The following PPFIBP1 variants were observed in gnomAD, a reference collection of about 807,000 sequenced individuals.
The protein encoded by PPFIBP1 is liprin-beta-1.
In PPFIBP1, 112 loss-of-function variants were observed where a neutral mutation model predicts 137.8. The observed-to-expected ratio is 0.81, with a 90% confidence interval of 0.70 to 0.95. PPFIBP1 has a LOEUF of 0.95. Among genes scored for constraint, PPFIBP1 ranks in the 40% least tolerant of loss-of-function variants. The pLI, the probability that PPFIBP1 is intolerant of heterozygous loss-of-function variation, is 0.00. For synonymous variants in PPFIBP1, 378 were observed against 417.3 expected (o/e 0.91, Z 1.15); for missense variants, 1,083 against 1,196.6 (o/e 0.91, Z 1.40).
Position 27,634,936 on chromosome 12 carries a change from G to A in PPFIBP1, c.91G>A (p.Gly31Arg), listed in dbSNP as rs2057544612. 1 of 1,613,910 alleles carries A rather than the reference G, an allele frequency of 6.2e-7. No homozygotes were observed. The highest frequency in any genetic ancestry group is 1.3e-5 in the African/African-American group (1 of 74,922). ...AGSKALEYSN[G>R]IFDCQSPTSP... ...TTCTAAGGCTCTGGAATATTCCAAT[G>A]GGATTTTTGATTGCCAATCTCCCAC... is the stretch of plus-strand genomic sequence containing the variant. The change falls in exon 4 of 30, where the codon GGG becomes AGG. Residue 31 changes from glycine (G) to arginine (R), a missense_variant. Gly to Arg is a moderately radical substitution (Grantham distance 125). Transcript: ENST00000228425.
intron 2 of PPFIBP1, among the ~76,000 whole-genome samples, chr12:27,598,728 G>A (rs1295360362): frequency 6.6e-6 from 1 of 152,162 alleles, no homozygotes. Context: ...CCATGCTGAG[G>A]AATGTAGTCA....
chr12:27,660,821 A>G (rs7132997), intron 10 of PPFIBP1, 63 bp from the exon 11 acceptor site: 1,564,865 of 1,566,194 alleles, frequency 1, 781,780 homozygotes, highest in East Asian at 1. Flanking sequence ...TGGAGAGTAA[A>G]TAACTTCTTA....
chr12:27,629,876 C>T (rs1023198492), intron 2 of PPFIBP1, among the ~76,000 whole-genome samples: 2 of 152,142 alleles, frequency 1.3e-5, no homozygotes, highest in African/African-American at 4.8e-5. Context: ...TACTTCACCA[C>T]TTCAGGTTGT....
At chr12:27,539,428 T>C (rs530734990) in intron 1 of PPFIBP1, among the ~76,000 whole-genome samples, 12 of 152,246 alleles carry the variant, frequency 7.9e-5, no homozygotes, top group African/African-American at 2.2e-4. Flanking sequence ...TACTAGTTTG[T>C]TCTGTGGAGA....
At chr12:27,525,506 C>T (rs984424345) in intron 1 of PPFIBP1, among the ~76,000 whole-genome samples, 51 of 95,128 alleles carry the variant, frequency 5.4e-4, no homozygotes, top group Non-Finnish European at 2.2e-4. Flanking sequence ...TCTTTTGGAG[C>T]AGGAAGGAAA....
At chr12:27,547,275 C>A (rs1295398820) in intron 1 of PPFIBP1, 1 of 152,182 alleles carries the variant, frequency 6.6e-6, no homozygotes, top group East Asian at 1.9e-4. Context: ...GTCTCGCCGC[C>A]TTTACTTGTG....
intron 12 of PPFIBP1, among the ~76,000 whole-genome samples, chr12:27,665,914 T>C (rs926002393): frequency 2.6e-5 from 4 of 152,220 alleles, no homozygotes; most frequent in African/African-American, 4.8e-5. Flanking sequence ...CTCAGCATTT[T>C]CCATGCCTTC....
Position 27,652,915 on chromosome 12 carries a change from C to G in PPFIBP1, c.604-1807C>G, listed in dbSNP as rs368109747. Among the ~76,000 whole-genome samples, 9 of 152,154 alleles carry G rather than the reference C, an allele frequency of 5.9e-5. No individual in the cohort carries two copies. In the East Asian group the frequency reaches 9.7e-4, roughly 16 times the overall value. On this transcript the variant is annotated intron_variant, in intron 7 of 29. Transcript: ENST00000228425. ...AATTCTGACCTGTTAGTTGAGGAATCACAAATATGTTGCTGAATAATGTCA... is the reference window on the plus strand; with the variant it reads ...AATTCTGACCTGTTAGTTGAGGAATGACAAATATGTTGCTGAATAATGTCA...
intron 1 of PPFIBP1, among the ~76,000 whole-genome samples, chr12:27,563,498 G>A (rs11049046): frequency 0.36 from 53,158 of 148,744 alleles, 10,190 homozygotes; most frequent in African/African-American, 0.48. Context: ...CAGAGATGAG[G>A]CAGAAGAGGG....
chr12:27,664,607 T>C (rs1428591577), intron 12 of PPFIBP1, among the ~76,000 whole-genome samples, 161 bp downstream of exon 12: 2 of 152,152 alleles, frequency 1.3e-5, no homozygotes, highest in Non-Finnish European at 2.9e-5. Flanking sequence ...TGCCAGAAAG[T>C]GTCCAGCCTG....
chr12:27,623,241 A>T (rs947498947), intron 2 of PPFIBP1, among the ~76,000 whole-genome samples: 1 of 152,220 alleles, frequency 6.6e-6, no homozygotes, highest in African/African-American at 2.4e-5. Flanking sequence ...ATACTCCTCC[A>T]TAATACTGGG....
intron 11 of PPFIBP1, among the ~76,000 whole-genome samples, chr12:27,661,241 A>T (rs575196204): frequency 3.9e-5 from 6 of 152,178 alleles, no homozygotes; most frequent in African/African-American, 1.4e-4. Context: ...TACCTCCTGT[A>T]TGTGGGCACT....
intron 2 of PPFIBP1, among the ~76,000 whole-genome samples, chr12:27,596,110 A>ACACACACG (rs1565839006): frequency 3.1e-5 from 1 of 32,696 alleles, no homozygotes; most frequent in Non-Finnish European, 9.4e-5. Flanking sequence ...ACACACACAT[A>ACACACACG]TGCTTACAAA....
rs1439643438 is a variant in PPFIBP1, at chr12:27,566,356, CAGG to C, written c.-123-11794_-123-11792del. ...GAAGATTAGCTCTGTGATTGTATTC[CAGG>C]ACAGCTGACTCCACCTGCTGTTCGC... is the stretch of plus-strand genomic sequence containing the variant. On this transcript the variant is annotated intron_variant, in intron 1 of 29. Coordinates refer to ENST00000228425, the MANE Select transcript of PPFIBP1 (RefSeq NM_003622.4). Among the ~76,000 whole-genome samples, 735 of 152,270 alleles carry C rather than the reference CAGG, an allele frequency of 4.8e-3. 6 individuals carry two copies. The Middle Eastern group carries it at 0.061, about 13-fold the overall frequency.
chr12:27,679,197 A>G (rs748000695), intron 19 of PPFIBP1, among the ~76,000 whole-genome samples: 3 of 152,190 alleles, frequency 2.0e-5, no homozygotes, highest in Non-Finnish European at 4.4e-5. Context: ...GTGCTATGGA[A>G]AGATTGGGAA....
At position 27,676,525 on chromosome 12, in the gene PPFIBP1, A is replaced by C; in HGVS notation, c.1508A>C (p.Lys503Thr). The change falls in exon 18 of 30, where the codon AAA becomes ACA. Residue 503 changes from lysine to threonine, a missense_variant. Lys to Thr is a moderately conservative substitution (Grantham distance 78, BLOSUM62 -1). Coordinates refer to ENST00000228425, the MANE Select transcript of PPFIBP1 (RefSeq NM_003622.4). ...GATGACAACCCCTTCGGCACTCGAA[A>C]AGTCAGATCTTCCTTTGGCCGGGGC... is the stretch of plus-strand genomic sequence containing the variant. ...SMDDNPFGTR[K>T]VRSSFGRGFF... 6.2e-7 allele frequency: 1 copy of C among 1,609,812 alleles called. No individual in the cohort carries two copies. The highest frequency in any genetic ancestry group is 8.5e-7 in the Non-Finnish European group (1 of 1,177,446).
At chr12:27,560,768 A>C (rs1342584584) in intron 1 of PPFIBP1, among the ~76,000 whole-genome samples, 4 of 152,190 alleles carry the variant, frequency 2.6e-5, no homozygotes, top group Non-Finnish European at 5.9e-5. Flanking sequence ...CCTGGTCCAG[A>C]GGTTTATCCT....
At chr12:27,646,952 A>G (rs114704092) in intron 5 of PPFIBP1, among the ~76,000 whole-genome samples, 228 of 152,204 alleles carry the variant, frequency 1.5e-3, no homozygotes, top group African/African-American at 5.1e-3. Context: ...GAACACATCT[A>G]TGATCTGTGT....
chr12:27,564,488 A>C (rs936936056), intron 1 of PPFIBP1, among the ~76,000 whole-genome samples: 1 of 152,222 alleles, frequency 6.6e-6, no homozygotes, highest in African/African-American at 2.4e-5. Context: ...TGTTTAAAGA[A>C]AATTCTTTTC....
Sources: allele counts gnomAD v4.1 joint callset (sites outside exome capture counted in the v4.1 genomes callset), GRCh38; gene constraint gnomAD v4.1.1; transcripts MANE v1.5; gene names NCBI Gene and HGNC (gene_info 2026-07-23, HGNC 2026-07-21).